The following SLC8A1 variants were observed in gnomAD, a reference collection of about 807,000 sequenced individuals.
SLC8A1 encodes sodium/calcium exchanger 1.
Under a neutral mutation model 68.3 loss-of-function variants are expected in SLC8A1, and 18 were observed. The observed-to-expected ratio is 0.26, with a 90% CI of 0.18 to 0.39. SLC8A1 has a LOEUF of 0.39. Among genes scored for constraint, SLC8A1 ranks in the 10% least tolerant of loss-of-function variants. SLC8A1 has a pLI of 1.00. For missense variants in SLC8A1, 985 were observed against 1,156.7 expected (o/e 0.85, Z 2.15); for synonymous variants, 475 against 415.5 (o/e 1.14, Z -1.74).
At chr2:40,407,264 C>G (rs1457715768) in intron 2 of SLC8A1, among the ~76,000 whole-genome samples, 2 of 152,132 alleles carry the variant, frequency 1.3e-5, no homozygotes, top group African/African-American at 4.8e-5. Context: ...CAGGGTTTCA[C>G]CATGTTGGCC....
intron 7 of SLC8A1, among the ~76,000 whole-genome samples, chr2:40,116,659 A>G (rs1458395979): frequency 2.4e-5 from 3 of 126,226 alleles, no homozygotes; most frequent in Non-Finnish European, 5.6e-5. Flanking sequence ...CAATATCACA[A>G]CTAGGAAAAA....
intron 1 of SLC8A1, among the ~76,000 whole-genome samples, chr2:40,444,960 AC>A (rs1701174017): frequency 6.6e-6 from 1 of 152,054 alleles, no homozygotes; most frequent in Non-Finnish European, 1.5e-5. Flanking sequence ...TCCTGTGGCA[AC>A]CCCTTCACCA....
Position 40,448,620 on chromosome 2 carries a change from A to T in SLC8A1, c.-25+3284T>A, listed in dbSNP as rs539674181. Among the ~76,000 whole-genome samples the T allele has an allele frequency of 2.6e-5, 4 of 152,332 alleles. No individual in the cohort carries two copies. The South Asian group carries it at 8.3e-4, about 32-fold the overall frequency. ...GTGATAGACAGCTAAGGGAACCATA[A>T]GTGATGTCAGATAGGATTCTGGAAC... On this transcript the variant is annotated intron_variant, in intron 1 of 7. Transcript: ENST00000406785.
At chr2:40,263,813 A>C (rs1441018655) in intron 2 of SLC8A1, among the ~76,000 whole-genome samples, 2 of 152,164 alleles carry the variant, frequency 1.3e-5, no homozygotes, top group Non-Finnish European at 2.9e-5. Context: ...TCTAAAACAC[A>C]AAAAGCAATG....
chr2:40,223,088 A>G (rs1321973765), intron 2 of SLC8A1, among the ~76,000 whole-genome samples: 1 of 152,230 alleles, frequency 6.6e-6, no homozygotes, highest in Non-Finnish European at 1.5e-5. Flanking sequence ...TTGCAGCAGT[A>G]TTCACAACAG....
intron 2 of SLC8A1, among the ~76,000 whole-genome samples, chr2:40,377,033 T>A (rs907321552): frequency 3.3e-5 from 5 of 152,070 alleles, no homozygotes; most frequent in African/African-American, 1.2e-4. Context: ...GGTGAGGGGA[T>A]GTCACTCCTA....
upstream of SLC8A1, among the ~76,000 whole-genome samples, chr2:40,454,517 T>G (rs1702883580): frequency 6.8e-6 from 1 of 146,788 alleles, no homozygotes; most frequent in African/African-American, 2.6e-5. Flanking sequence ...CCATTGAAAC[T>G]GAAAGGCTAC....
At chr2:40,277,923 T>C (rs1000218944) in intron 2 of SLC8A1, among the ~76,000 whole-genome samples, 4 of 150,902 alleles carry the variant, frequency 2.7e-5, no homozygotes, top group Non-Finnish European at 4.4e-5. Flanking sequence ...AACACCAACA[T>C]CATAACATAA....
chr2:40,428,346 A>T, intron 2 of SLC8A1, 127 bp downstream of exon 2: 1 of 1,389,540 alleles, frequency 7.2e-7, no homozygotes, highest in Non-Finnish European at 9.3e-7. Flanking sequence ...GGGATCTTGT[A>T]TAAAAGCTAT....
intron 1 of SLC8A1, among the ~76,000 whole-genome samples, chr2:40,490,528 T>C (rs1008471093): frequency 6.6e-6 from 1 of 152,140 alleles, no homozygotes; most frequent in African/African-American, 2.4e-5. Context: ...GAAACAAAAG[T>C]GAGTGTCCTT....
intron 2 of SLC8A1, among the ~76,000 whole-genome samples, chr2:40,219,132 AG>A (rs1163027893): frequency 6.6e-6 from 1 of 152,178 alleles, no homozygotes; most frequent in African/African-American, 2.4e-5. Context: ...GGGGAACCCA[AG>A]TTTTGTGCCC....
chr2:40,480,827 A>G (rs1704580843), intron 1 of SLC8A1, among the ~76,000 whole-genome samples: 1 of 152,204 alleles, frequency 6.6e-6, no homozygotes, highest in African/African-American at 2.4e-5. Context: ...TATACAGGCT[A>G]ATTCTGAGTC....
At chr2:40,341,833 T>C (rs1667792502) in intron 2 of SLC8A1, among the ~76,000 whole-genome samples, 1 of 152,172 alleles carries the variant, frequency 6.6e-6, no homozygotes, top group Admixed American at 6.5e-5. Context: ...TTCCATTGCA[T>C]GGACCATCAA....
At chr2:40,357,149 T>C (rs1459469497) in intron 2 of SLC8A1, among the ~76,000 whole-genome samples, 2 of 152,180 alleles carry the variant, frequency 1.3e-5, no homozygotes, top group Non-Finnish European at 1.5e-5. Flanking sequence ...TGTATTTTGA[T>C]AATAGTCACA....
chr2:40,142,812 C>G lies in SLC8A1; in HGVS notation c.2162-3136G>C, dbSNP rs116387385. On this transcript the variant is annotated intron_variant, in intron 6 of 7. Coordinates refer to ENST00000406785, the Ensembl canonical transcript of SLC8A1. ...TATTTCCCTCCATTTAAGATTGTTA[C>G]TGTGTTTCTCCATCATTATTTGTTT... is the stretch of plus-strand genomic sequence containing the variant. Among the ~76,000 whole-genome samples, 1,467 of 152,198 alleles carry G rather than the reference C, an allele frequency of 9.6e-3. 25 individuals are homozygous for G. Among genetic ancestry groups the G allele is most frequent in the African/African-American group, 0.033 (1,357 of 41,522 alleles).
At chr2:40,256,186 A>G (rs1271933900) in intron 2 of SLC8A1, among the ~76,000 whole-genome samples, 2 of 152,186 alleles carry the variant, frequency 1.3e-5, no homozygotes, top group African/African-American at 4.8e-5. Context: ...ACATCCGGTG[A>G]TATTGGACCT....
At chr2:40,394,011 C>G (rs754624916) in intron 2 of SLC8A1, among the ~76,000 whole-genome samples, 2 of 152,076 alleles carry the variant, frequency 1.3e-5, no homozygotes, top group African/African-American at 2.4e-5. Context: ...GTGTCAATGA[C>G]TGAAGACAGT....
rs183825406 is a variant in SLC8A1 at position 40,325,389 on chromosome 2, C to T, written c.1808+103084G>A. 1.6e-3 allele frequency among the ~76,000 whole-genome samples: 241 copies of T among 152,252 alleles called. 4 individuals are homozygous for T. Among genetic ancestry groups the T allele is most frequent in the Admixed American group, 0.013 (200 of 15,282 alleles). The stretch of plus-strand genomic sequence containing the variant: ...CAGGGAGCTGCTTTTCCCTTGCAAA[C>T]CAGTGGAGCAGATAAATAACTGGGC... On this transcript the variant is annotated intron_variant, in intron 2 of 7. Coordinates refer to ENST00000406785, the Ensembl canonical transcript of SLC8A1.
intron 2 of SLC8A1, among the ~76,000 whole-genome samples, chr2:40,293,021 T>C (rs1441649774): frequency 6.6e-6 from 1 of 152,144 alleles, no homozygotes; most frequent in Non-Finnish European, 1.5e-5. Flanking sequence ...TTCAGAGGCC[T>C]TCTTTCCCTT....
Sources: allele counts gnomAD v4.1 joint callset (sites outside exome capture counted in the v4.1 genomes callset), GRCh38; gene constraint gnomAD v4.1.1; transcripts MANE v1.5; gene names NCBI Gene and HGNC (gene_info 2026-07-23, HGNC 2026-07-21).